Variants in UBR2 observed in about 807,000 individuals in gnomAD.
UBR2 encodes the protein ubiquitin protein ligase E3 component n-recognin 2.
A neutral mutation model predicts 247.9 loss-of-function variants in UBR2; 92 were observed. The observed-to-expected ratio is 0.37, with a 90% CI of 0.31 to 0.44. The LOEUF (loss-of-function observed/expected upper bound fraction) is 0.44, where lower values mean the gene tolerates loss of function less well. Ranked by LOEUF, UBR2 falls within the 20% of genes least tolerant of loss-of-function variation. The pLI is 1.00. For synonymous variants in UBR2, 672 were observed against 693.5 expected, an observed-to-expected ratio of 0.97 and a Z score of 0.49; for missense variants, 1,613 against 2,112.6, an observed-to-expected ratio of 0.76 and a Z score of 4.64.
At chr6:42,574,712 C>G (rs1439858170) in intron 2 of UBR2, among the ~76,000 whole-genome samples, 1 of 79,932 alleles carries the variant, frequency 1.3e-5, no homozygotes, top group African/African-American at 4.8e-5. Context: ...TTTTTTTTTT[C>G]TGAGATGGAG....
chr6:42,654,178 A>G (rs1367855773), intron 25 of UBR2, among the ~76,000 whole-genome samples: 1 of 152,204 alleles, frequency 6.6e-6, no homozygotes, highest in Non-Finnish European at 1.5e-5. Context: ...ATCTATAAGC[A>G]TATTTAAAGT....
rs138835714 is a variant in UBR2, at chr6:42,677,607, G to A, written c.4478+734G>A. On this transcript the variant is annotated intron_variant, in intron 40 of 46. Coordinates refer to ENST00000372901, the MANE Select transcript of UBR2 (RefSeq NM_001363705.2). ...AGCCTGGCCAACATGGTGAAACCCT[G>A]TCTCTACCAAAAAATACAAAAATTA... Among the ~76,000 whole-genome samples, 48 of 151,930 alleles carry A rather than the reference G, an allele frequency of 3.2e-4. 1 individual carries two copies. The East Asian group carries it at 8.6e-3, about 27-fold the overall frequency.
chr6:42,639,040 G>A (rs935331226), intron 15 of UBR2, among the ~76,000 whole-genome samples: 1 of 152,044 alleles, frequency 6.6e-6, no homozygotes, highest in Non-Finnish European at 1.5e-5. Context: ...TAATCTAATT[G>A]GAAATCTAAG....
At chr6:42,633,445 C>G (rs10452609) in intron 13 of UBR2, among the ~76,000 whole-genome samples, 32,695 of 151,734 alleles carry the variant, frequency 0.22, 3,570 homozygotes, top group African/African-American at 0.25. Flanking sequence ...GGCTGGAGTG[C>G]AGTGGCGCAA....
chr6:42,650,938 T>G (rs1797073721), intron 23 of UBR2, among the ~76,000 whole-genome samples: 2 of 152,112 alleles, frequency 1.3e-5, no homozygotes, highest in Admixed American at 1.3e-4. Flanking sequence ...CCTAGGTAAT[T>G]AAATTTTGCC....
At chr6:42,680,882 C>T (rs1047555953) in intron 42 of UBR2, among the ~76,000 whole-genome samples, 5 of 150,512 alleles carry the variant, frequency 3.3e-5, no homozygotes, top group South Asian at 2.1e-4. Context: ...CAGCCTGGGG[C>T]GGGGGCGCGG....
At chr6:42,605,296 C>T (rs924388719) in intron 5 of UBR2, among the ~76,000 whole-genome samples, 3 of 152,148 alleles carry the variant, frequency 2.0e-5, no homozygotes, top group Non-Finnish European at 2.9e-5. Context: ...TCCCTGGCTT[C>T]TACCCACTAG....
intron 25 of UBR2, among the ~76,000 whole-genome samples, chr6:42,655,034 A>G (rs1797355235): frequency 6.6e-6 from 1 of 152,202 alleles, no homozygotes. Context: ...CTTACATATT[A>G]TGTGAATTGC....
At chr6:42,581,243 G>A (rs1389674273) in intron 2 of UBR2, among the ~76,000 whole-genome samples, 2 of 150,398 alleles carry the variant, frequency 1.3e-5, no homozygotes, top group African/African-American at 2.5e-5. Context: ...AGGCTGAAGT[G>A]CAGTGGCATG....
At position 42,625,845 on chromosome 6, in the gene UBR2, G is replaced by T. The variant is rs142116411; in HGVS notation, c.1282-6707G>T. On this transcript the variant is annotated intron_variant, in intron 11 of 46. Transcript: ENST00000372901. Reference sequence around the variant, plus strand: ...TTTTTTTTTTTTGAGGCGGAGTCTCGCTCTGTCGCCCAGGTTGGAGTGCAG... The same window carrying T: ...TTTTTTTTTTTTGAGGCGGAGTCTCTCTCTGTCGCCCAGGTTGGAGTGCAG... Among the ~76,000 whole-genome samples the T allele has an allele frequency of 7.6e-3, 1,106 of 145,782 alleles. 25 individuals are homozygous for T. The East Asian group carries it at 0.08, about 11-fold the overall frequency.
intron 7 of UBR2, among the ~76,000 whole-genome samples, chr6:42,611,519 A>G (rs1319708475): frequency 6.6e-6 from 1 of 151,952 alleles, no homozygotes; most frequent in Admixed American, 6.6e-5. Flanking sequence ...AAATAAGTAC[A>G]TAATTATATT....
At chr6:42,580,624 C>T (rs1464672309) in intron 2 of UBR2, among the ~76,000 whole-genome samples, 1 of 152,138 alleles carries the variant, frequency 6.6e-6, no homozygotes, top group Non-Finnish European at 1.5e-5. Context: ...ACTGCAGCCT[C>T]CGCCTCCTGG....
At chr6:42,580,601 A>G (rs1791820074) in intron 2 of UBR2, among the ~76,000 whole-genome samples, 1 of 151,840 alleles carries the variant, frequency 6.6e-6, no homozygotes, top group Non-Finnish European at 1.5e-5. Context: ...GTGCAGGGGC[A>G]CGATCTTGGC....
intron 14 of UBR2, among the ~76,000 whole-genome samples, chr6:42,636,599 T>A (rs1486108907): frequency 2.0e-5 from 3 of 152,162 alleles, no homozygotes; most frequent in African/African-American, 7.2e-5. Flanking sequence ...TCAATTTACA[T>A]GTTTTTTAAA....
intron 25 of UBR2, 80 bp downstream of exon 25, chr6:42,652,725 G>A: frequency 1.6e-6 from 2 of 1,285,122 alleles, no homozygotes; most frequent in African/African-American, 1.6e-5. Flanking sequence ...TCTATACACA[G>A]GAAAACTAGG....
chr6:42,569,350 A>G (rs780939397), intron 1 of UBR2, among the ~76,000 whole-genome samples: 61 of 152,022 alleles, frequency 4.0e-4, no homozygotes, highest in Non-Finnish European at 6.8e-4. Context: ...GATTACAGCC[A>G]TTCTTTTGGG....
intron 5 of UBR2, 95 bp from the exon 6 acceptor site, chr6:42,605,626 G>C (rs1273674593): frequency 8.9e-7 from 1 of 1,122,658 alleles, no homozygotes; most frequent in Non-Finnish European, 1.3e-6. Flanking sequence ...CCAGTACCTA[G>C]CACATTGCAT....
intron 8 of UBR2, among the ~76,000 whole-genome samples, chr6:42,614,416 G>GTCCA (rs1794389006): frequency 2.3e-5 from 1 of 43,006 alleles, no homozygotes; most frequent in African/African-American, 7.6e-5. Context: ...ATGTATGTAC[G>GTCCA]TACGTACATA....
At chr6:42,649,462 G>C (rs1796983257) in intron 22 of UBR2, among the ~76,000 whole-genome samples, 1 of 152,102 alleles carries the variant, frequency 6.6e-6, no homozygotes, top group Admixed American at 6.5e-5. Context: ...GTTTCTTTGA[G>C]GATTAGCTAG....
Sources: allele counts gnomAD v4.1 joint callset (sites outside exome capture counted in the v4.1 genomes callset), GRCh38; gene constraint gnomAD v4.1.1; transcripts MANE v1.5; gene names NCBI Gene and HGNC (gene_info 2026-07-23, HGNC 2026-07-21).